NCOA1: variants seen among roughly 807,000 people sequenced by gnomAD.
NCOA1 encodes the protein nuclear receptor coactivator 1.
Under a neutral mutation model 150.9 loss-of-function variants are expected in NCOA1, and 35 were observed. The observed-to-expected ratio is 0.23, with a 90% CI of 0.18 to 0.31. The LOEUF is 0.31. NCOA1 is among the 10% of genes least tolerant of loss of function. The pLI is 1.00. For missense variants in NCOA1, 1,491 were observed against 1,749.3 expected (o/e 0.85, Z 2.63); for synonymous variants, 590 against 630.0 (o/e 0.94, Z 0.95).
chr2:24,592,578 A>ATTTT (rs145333073), intron 3 of NCOA1, among the ~76,000 whole-genome samples: 7 of 103,430 alleles, frequency 6.8e-5, no homozygotes, highest in Admixed American at 1.1e-4. Flanking sequence ...TCCCCTCCTA[A>ATTTT]TTTTTTTTTT....
intron 6 of NCOA1, among the ~76,000 whole-genome samples, chr2:24,672,615 T>C (rs567501610): frequency 6.6e-6 from 1 of 152,264 alleles, no homozygotes; most frequent in African/African-American, 2.4e-5. Flanking sequence ...CAGGCTGTTC[T>C]CAAACTCCTG....
At chr2:24,574,656 T>TAGAA (rs1206312860) in intron 2 of NCOA1, among the ~76,000 whole-genome samples, 1 of 151,858 alleles carries the variant, frequency 6.6e-6, no homozygotes, top group African/African-American at 2.4e-5. Context: ...CTTTTTCTTC[T>TAGAA]GCCTAAAAAT....
At chr2:24,649,213 G>A (rs1012125392) in intron 4 of NCOA1, among the ~76,000 whole-genome samples, 1 of 152,096 alleles carries the variant, frequency 6.6e-6, no homozygotes, top group South Asian at 2.1e-4. Context: ...ATAGACACAT[G>A]TTACTGCACC....
chr2:24,631,852 A>G (rs1369110469), intron 3 of NCOA1, among the ~76,000 whole-genome samples: 1 of 152,198 alleles, frequency 6.6e-6, no homozygotes, highest in African/African-American at 2.4e-5. Flanking sequence ...CTGTCATACA[A>G]TTCTTTATGT....
intron 1 of NCOA1, among the ~76,000 whole-genome samples, chr2:24,514,442 C>T (rs183900258): frequency 8.4e-4 from 128 of 151,816 alleles, no homozygotes; most frequent in Non-Finnish European, 1.5e-3. Flanking sequence ...GAGTATCTGG[C>T]AATTGTGACT....
chr2:24,600,939 T>C (rs1175956686), intron 3 of NCOA1, among the ~76,000 whole-genome samples: 1 of 152,230 alleles, frequency 6.6e-6, no homozygotes, highest in Non-Finnish European at 1.5e-5. Flanking sequence ...ACTGATTTTC[T>C]CTGCAAGTAG....
At chr2:24,736,729 G>A (rs1171130024) in intron 17 of NCOA1, among the ~76,000 whole-genome samples, 1 of 152,288 alleles carries the variant, frequency 6.6e-6, no homozygotes, top group Non-Finnish European at 1.5e-5. Flanking sequence ...TGTTATGGGG[G>A]AGATGTTGTG....
At chr2:24,591,567 T>C (rs186380156) in intron 3 of NCOA1, among the ~76,000 whole-genome samples, 3 of 152,272 alleles carry the variant, frequency 2.0e-5, no homozygotes, top group African/African-American at 7.2e-5. Context: ...GTGAGAGTTC[T>C]TTAGTTTTTG....
At chr2:24,496,226 AT>A (rs1436216826) in intron 1 of NCOA1, among the ~76,000 whole-genome samples, 1 of 152,146 alleles carries the variant, frequency 6.6e-6, no homozygotes, top group Non-Finnish European at 1.5e-5. Flanking sequence ...TTCTAAAAAA[AT>A]TTTTTTATGT....
intron 8 of NCOA1, among the ~76,000 whole-genome samples, chr2:24,686,937 C>CT (rs529975112): frequency 7.4e-5 from 11 of 149,138 alleles, no homozygotes; most frequent in Admixed American, 1.3e-4. Flanking sequence ...TATTTTTCAA[C>CT]TTTTTTTTTT....
At chr2:24,629,293 CTGTT>C (rs2148426765) in intron 3 of NCOA1, among the ~76,000 whole-genome samples, 1 of 152,128 alleles carries the variant, frequency 6.6e-6, no homozygotes, top group African/African-American at 2.4e-5. Context: ...CAGTGCTTAT[CTGTT>C]TAACATAAAT....
At chr2:24,514,786 G>GA (rs1229271967) in intron 1 of NCOA1, among the ~76,000 whole-genome samples, 3 of 151,364 alleles carry the variant, frequency 2.0e-5, no homozygotes, top group Non-Finnish European at 4.4e-5. Flanking sequence ...AAAAAAACAA[G>GA]AAAAAAAAGT....
At chr2:24,618,198 T>C (rs1489088656) in intron 3 of NCOA1, among the ~76,000 whole-genome samples, 3 of 152,204 alleles carry the variant, frequency 2.0e-5, no homozygotes, top group Non-Finnish European at 4.4e-5. Flanking sequence ...CCTCCCTTTT[T>C]CACTCCCAAC....
chr2:24,715,374 G>A (rs971103709), intron 14 of NCOA1, among the ~76,000 whole-genome samples: 1 of 152,072 alleles, frequency 6.6e-6, no homozygotes, highest in Non-Finnish European at 1.5e-5. Flanking sequence ...ACCAAAAATG[G>A]GGTAGAATAA....
chr2:24,720,957 G>A (rs1425248117), intron 14 of NCOA1, among the ~76,000 whole-genome samples: 5 of 152,146 alleles, frequency 3.3e-5, no homozygotes, highest in Non-Finnish European at 7.4e-5. Flanking sequence ...ATCTTGCATA[G>A]GATAGTTTAA....
chr2:24,526,018 A>G (rs370938994), intron 1 of NCOA1, among the ~76,000 whole-genome samples: 5 of 152,170 alleles, frequency 3.3e-5, no homozygotes, highest in African/African-American at 1.2e-4. Flanking sequence ...AAGATCAAAT[A>G]CAGACATCTG....
At chr2:24,665,199 T>C (rs555122940) in intron 5 of NCOA1, among the ~76,000 whole-genome samples, 3 of 152,210 alleles carry the variant, frequency 2.0e-5, no homozygotes, top group African/African-American at 7.2e-5. Flanking sequence ...TCACTGTACC[T>C]TCGTCTCTAA....
At chr2:24,722,972 C>T (rs1229972123) in intron 14 of NCOA1, among the ~76,000 whole-genome samples, 1 of 105,590 alleles carries the variant, frequency 9.5e-6, no homozygotes, top group African/African-American at 3.6e-5. Flanking sequence ...GCCTGGGCGA[C>T]AGTGAGACCC....
intron 3 of NCOA1, among the ~76,000 whole-genome samples, chr2:24,633,035 C>T (rs986261879): frequency 6.6e-6 from 1 of 151,736 alleles, no homozygotes; most frequent in African/African-American, 2.4e-5. Flanking sequence ...TAGAGAAAAA[C>T]TGGAGAAAAT....
Sources: allele counts gnomAD v4.1 joint callset (sites outside exome capture counted in the v4.1 genomes callset), GRCh38; gene constraint gnomAD v4.1.1; transcripts MANE v1.5; gene names NCBI Gene and HGNC (gene_info 2026-07-23, HGNC 2026-07-21).